MYO1B: variants seen among roughly 807,000 people sequenced by gnomAD.
The protein encoded by MYO1B is unconventional myosin-Ib.
In MYO1B, 72 loss-of-function variants were observed where a neutral mutation model predicts 159.7. That is an observed-to-expected ratio of 0.45 (90% CI 0.37 to 0.55). The LOEUF is 0.55. MYO1B is among the 20% of genes least tolerant of loss of function. The pLI is 0.00. For missense variants in MYO1B, 1,062 were observed against 1,364.8 expected (o/e 0.78, Z 3.50); for synonymous variants, 468 against 473.8 (o/e 0.99, Z 0.16).
At chr2:191,378,154 C>T (rs1017059548) in intron 13 of MYO1B, among the ~76,000 whole-genome samples, 2 of 151,844 alleles carry the variant, frequency 1.3e-5, no homozygotes, top group Non-Finnish European at 2.9e-5. Flanking sequence ...GGGATGTGTC[C>T]CTGGGGTGGG....
At chr2:191,411,344 T>C (rs1697237421) in intron 27 of MYO1B, among the ~76,000 whole-genome samples, 172 bp downstream of exon 27, 1 of 152,256 alleles carries the variant, frequency 6.6e-6, no homozygotes, top group Admixed American at 6.5e-5. Context: ...CTATGGCTTC[T>C]ATAGTGCAGT....
rs372129040 is a variant in MYO1B at position 191,412,112 on chromosome 2, T to C, written c.2873+940T>C. On this transcript the variant is annotated intron_variant, in intron 27 of 30. Transcript: ENST00000392318. Reference sequence around the variant, plus strand: ...AAATATTTTAAATTGTACAACTTCATTGGTTAGCTGATGTGGCTACTTGAG... The same window carrying C: ...AAATATTTTAAATTGTACAACTTCACTGGTTAGCTGATGTGGCTACTTGAG... Among the ~76,000 whole-genome samples, 52 of 152,360 alleles carry C rather than the reference T, an allele frequency of 3.4e-4. No individual in the cohort carries two copies. In the East Asian group the frequency reaches 9.6e-3, roughly 28 times the overall value.
At chr2:191,368,232 G>A (rs1351170462) in intron 11 of MYO1B, among the ~76,000 whole-genome samples, 4 of 152,202 alleles carry the variant, frequency 2.6e-5, no homozygotes, top group Non-Finnish European at 5.9e-5. Flanking sequence ...CTAACAAGTT[G>A]TGCTCTTTGT....
At chr2:191,413,355 G>T (rs1255912775) in intron 27 of MYO1B, among the ~76,000 whole-genome samples, 1 of 152,116 alleles carries the variant, frequency 6.6e-6, no homozygotes, top group East Asian at 1.9e-4. Flanking sequence ...TAAAGTGTTG[G>T]ATATCTCATG....
chr2:191,268,951 A>G (rs1687301592), intron 1 of MYO1B, among the ~76,000 whole-genome samples: 1 of 152,196 alleles, frequency 6.6e-6, no homozygotes, highest in African/African-American at 2.4e-5. Context: ...CTAAGGAGAA[A>G]GGCTGTGGAA....
At chr2:191,257,987 G>A (rs1314456456) in intron 1 of MYO1B, among the ~76,000 whole-genome samples, 1 of 152,190 alleles carries the variant, frequency 6.6e-6, no homozygotes, top group Non-Finnish European at 1.5e-5. Context: ...TTTATAAAAT[G>A]TGTATACCTA....
At chr2:191,362,832 T>C (rs1483822044) in intron 9 of MYO1B, among the ~76,000 whole-genome samples, 1 of 152,224 alleles carries the variant, frequency 6.6e-6, no homozygotes, top group Non-Finnish European at 1.5e-5. Flanking sequence ...AACACTATAC[T>C]CTGTTTTCTG....
At chr2:191,398,343 C>A (rs1209979875) in intron 21 of MYO1B, among the ~76,000 whole-genome samples, 1 of 120,222 alleles carries the variant, frequency 8.3e-6, no homozygotes, top group South Asian at 2.5e-4. Context: ...GGCAGGGGGG[C>A]TCCTCACTTC....
intron 11 of MYO1B, among the ~76,000 whole-genome samples, chr2:191,369,234 CT>C (rs1694207860): frequency 6.6e-6 from 1 of 152,152 alleles, no homozygotes; most frequent in Non-Finnish European, 1.5e-5. Context: ...TTACTACCCC[CT>C]ATTGTTGGAT....
intron 2 of MYO1B, among the ~76,000 whole-genome samples, chr2:191,282,523 G>GA (rs1270252450): frequency 1.3e-5 from 2 of 151,454 alleles, no homozygotes; most frequent in Admixed American, 6.6e-5. Flanking sequence ...ATGCTTTTGG[G>GA]AAAAAAAAAT....
chr2:191,417,270 G>C (rs1265807512), intron 30 of MYO1B, among the ~76,000 whole-genome samples: 2 of 152,162 alleles, frequency 1.3e-5, no homozygotes, highest in Non-Finnish European at 2.9e-5. Flanking sequence ...TTAGATTTGG[G>C]TGGGAGGTTG....
chr2:191,345,948 T>A (rs951601820), intron 5 of MYO1B, among the ~76,000 whole-genome samples: 1 of 152,154 alleles, frequency 6.6e-6, no homozygotes, highest in Non-Finnish European at 1.5e-5. Context: ...TCTCTAGAAG[T>A]GTTAAAAGGT....
intron 2 of MYO1B, among the ~76,000 whole-genome samples, chr2:191,287,774 C>A (rs1688465617): frequency 6.6e-6 from 1 of 152,142 alleles, no homozygotes. Flanking sequence ...AGCCCCTCAT[C>A]CCCCACTGAC....
At chr2:191,400,242 C>A in intron 21 of MYO1B, 140 bp from the exon 22 acceptor site, 1 of 868,444 alleles carries the variant, frequency 1.2e-6, no homozygotes, top group Non-Finnish European at 1.9e-6. Context: ...TGGGGCTAGT[C>A]ACCTTCGCCT....
At chr2:191,253,451 G>A (rs1367052871) in intron 1 of MYO1B, among the ~76,000 whole-genome samples, 2 of 151,828 alleles carry the variant, frequency 1.3e-5, no homozygotes, top group Non-Finnish European at 2.9e-5. Flanking sequence ...CTTCCCCCCA[G>A]AAGCCCCTCT....
intron 24 of MYO1B, among the ~76,000 whole-genome samples, chr2:191,407,146 A>G (rs1009608513): frequency 6.6e-6 from 1 of 152,230 alleles, no homozygotes; most frequent in Non-Finnish European, 1.5e-5. Flanking sequence ...TGCAGTCTGA[A>G]TTGTTATATT....
At chr2:191,270,650 A>T (rs538091524) in intron 1 of MYO1B, among the ~76,000 whole-genome samples, 2 of 152,186 alleles carry the variant, frequency 1.3e-5, no homozygotes, top group Non-Finnish European at 2.9e-5. Context: ...TTAGCTCATT[A>T]TATTAGGTAC....
intron 20 of MYO1B, among the ~76,000 whole-genome samples, chr2:191,393,999 G>A (rs1312362851): frequency 6.6e-6 from 1 of 152,064 alleles, no homozygotes; most frequent in African/African-American, 2.4e-5. Context: ...CTTTGCTATA[G>A]GGCTGTATAT....
intron 2 of MYO1B, among the ~76,000 whole-genome samples, chr2:191,288,830 C>T (rs948394563): frequency 6.6e-6 from 1 of 152,156 alleles, no homozygotes. Flanking sequence ...GTGATTTTTG[C>T]GTTGGAAGTA....
Sources: allele counts gnomAD v4.1 joint callset (sites outside exome capture counted in the v4.1 genomes callset), GRCh38; gene constraint gnomAD v4.1.1; transcripts MANE v1.5; gene names NCBI Gene and HGNC (gene_info 2026-07-23, HGNC 2026-07-21).